The following CEP112 variants were observed in gnomAD, a reference collection of about 807,000 sequenced individuals.
The protein encoded by CEP112 is centrosomal protein 112, also known as centrosomal protein of 112 kDa.
In CEP112, 127 loss-of-function variants were observed where a neutral mutation model predicts 153.0. The ratio of observed to expected loss-of-function variants is 0.83; its 90% confidence interval spans 0.72 to 0.96. CEP112 has a LOEUF of 0.96. Among genes scored for constraint, CEP112 ranks in the 40% least tolerant of loss-of-function variants. The probability of loss-of-function intolerance (pLI) is 0.00; values close to 1 mark genes in which losing one functional copy is unlikely to be tolerated. For synonymous variants in CEP112, 358 were observed against 374.4 expected (o/e 0.96, Z 0.51); for missense variants, 1,089 against 1,101.2 (o/e 0.99, Z 0.16).
chr17:65,713,878 A>G (rs987354802), intron 23 of CEP112, among the ~76,000 whole-genome samples: 14 of 151,970 alleles, frequency 9.2e-5, no homozygotes, highest in Admixed American at 5.9e-4. Context: ...GTGAGTCACC[A>G]CGCCCAGCCG....
chr17:65,990,347 C>T (rs759550121), intron 17 of CEP112, among the ~76,000 whole-genome samples: 2 of 152,224 alleles, frequency 1.3e-5, no homozygotes, highest in African/African-American at 2.4e-5. Flanking sequence ...TGAGCAATCA[C>T]AGTATCTACT....
At chr17:66,144,703 C>CA (rs1027137533) in intron 4 of CEP112, among the ~76,000 whole-genome samples, 13 of 151,296 alleles carry the variant, frequency 8.6e-5, no homozygotes, top group Admixed American at 2.6e-4. Flanking sequence ...AAAAACAAAA[C>CA]AAAAAAAAGG....
At chr17:66,175,419 TCTA>T (rs1251619032) in intron 3 of CEP112, among the ~76,000 whole-genome samples, 3 of 152,194 alleles carry the variant, frequency 2.0e-5, no homozygotes, top group African/African-American at 4.8e-5. Context: ...TTAGTTGCAC[TCTA>T]CTGTCTAAGA....
At chr17:65,684,738 G>T (rs926504948) in intron 24 of CEP112, among the ~76,000 whole-genome samples, 1 of 152,158 alleles carries the variant, frequency 6.6e-6, no homozygotes, top group African/African-American at 2.4e-5. Context: ...TAACGCAGTG[G>T]AAAATAATAT....
At chr17:66,137,305 T>C (rs547664296) in intron 4 of CEP112, among the ~76,000 whole-genome samples, 2 of 152,002 alleles carry the variant, frequency 1.3e-5, no homozygotes, top group South Asian at 4.1e-4. Flanking sequence ...AGAGCAAAAA[T>C]GTTTTTAAAA....
chr17:65,778,897 G>A (rs2053841006), intron 21 of CEP112, among the ~76,000 whole-genome samples: 1 of 152,126 alleles, frequency 6.6e-6, no homozygotes, highest in Non-Finnish European at 1.5e-5. Context: ...CTACTTGGGA[G>A]GTTGAGGCAG....
Position 66,115,539 on chromosome 17 carries a change from T to C in CEP112, c.642+14207A>G, listed in dbSNP as rs140128961. 2.3e-3 allele frequency among the ~76,000 whole-genome samples: 346 copies of C among 152,316 alleles called. 1 individual carries two copies. Among genetic ancestry groups the C allele is most frequent in the African/African-American group, 8.2e-3 (342 of 41,568 alleles). On this transcript the variant is annotated intron_variant, in intron 6 of 26. Coordinates refer to ENST00000535342, the MANE Select transcript of CEP112 (RefSeq NM_001199165.4). ...CTCTTCTGGTCTTAAAGTTTGAAACTTGCATTTGTTTTATCTGAGTTCCCT... is the reference window on the plus strand; with the variant it reads ...CTCTTCTGGTCTTAAAGTTTGAAACCTGCATTTGTTTTATCTGAGTTCCCT...
At chr17:65,889,643 A>G (rs2059396230) in intron 20 of CEP112, among the ~76,000 whole-genome samples, 1 of 151,958 alleles carries the variant, frequency 6.6e-6, no homozygotes, top group Non-Finnish European at 1.5e-5. Context: ...GTTGGTATCC[A>G]TTACCCTCCA....
intron 23 of CEP112, 150 bp from the exon 24 acceptor site, chr17:65,689,368 T>A: frequency 1.7e-6 from 1 of 578,024 alleles, no homozygotes. Flanking sequence ...GACTTTTGTG[T>A]GTCAGGCCAA....
chr17:66,103,526 T>C (rs1014847810), intron 6 of CEP112, among the ~76,000 whole-genome samples: 8 of 152,218 alleles, frequency 5.3e-5, no homozygotes, highest in African/African-American at 1.9e-4. Flanking sequence ...AGTTGCCAGA[T>C]GCCAAACCAA....
At chr17:65,704,098 C>T (rs1002494054) in intron 23 of CEP112, among the ~76,000 whole-genome samples, 4 of 151,856 alleles carry the variant, frequency 2.6e-5, no homozygotes, top group East Asian at 1.9e-4. Flanking sequence ...CAACAAGAGA[C>T]GCACAGGAAG....
chr17:65,846,871 G>A (rs1325810345), intron 21 of CEP112, among the ~76,000 whole-genome samples: 1 of 152,242 alleles, frequency 6.6e-6, no homozygotes, highest in African/African-American at 2.4e-5. Context: ...TGCTTACTGT[G>A]TGTAAGGCAC....
chr17:65,980,345 G>C (rs2063184101), intron 17 of CEP112, among the ~76,000 whole-genome samples: 1 of 152,124 alleles, frequency 6.6e-6, no homozygotes, highest in Non-Finnish European at 1.5e-5. Flanking sequence ...CTATGATTTA[G>C]GAAGGAATAA....
At chr17:65,894,557 T>G (rs996161114) in intron 20 of CEP112, among the ~76,000 whole-genome samples, 2 of 152,058 alleles carry the variant, frequency 1.3e-5, no homozygotes, top group Non-Finnish European at 2.9e-5. Flanking sequence ...TTCTATAAAA[T>G]GAATGGATCA....
At chr17:65,978,967 G>C (rs990140215) in intron 17 of CEP112, among the ~76,000 whole-genome samples, 30 of 152,214 alleles carry the variant, frequency 2.0e-4, no homozygotes, top group African/African-American at 7.0e-4. Flanking sequence ...CTCTCAACTG[G>C]AAGCAAGGTA....
intron 1 of CEP112, among the ~76,000 whole-genome samples, chr17:66,187,863 T>G (rs555475571): frequency 3.3e-5 from 5 of 152,262 alleles, no homozygotes; most frequent in African/African-American, 1.2e-4. Context: ...TTGATGTTTT[T>G]CTCCATAAAT....
intron 12 of CEP112, among the ~76,000 whole-genome samples, chr17:66,034,649 T>C (rs1195822684): frequency 1.3e-5 from 2 of 151,608 alleles, no homozygotes; most frequent in East Asian, 1.9e-4. Flanking sequence ...AAAACTATTT[T>C]TATGAGAGAA....
chr17:66,056,450 T>G (rs1364815909), intron 11 of CEP112, among the ~76,000 whole-genome samples: 2 of 152,214 alleles, frequency 1.3e-5, no homozygotes, highest in Non-Finnish European at 2.9e-5. Flanking sequence ...CACAGCAACA[T>G]TATTCACGAT....
intron 21 of CEP112, among the ~76,000 whole-genome samples, chr17:65,804,186 G>A (rs1248355133): frequency 1.3e-5 from 2 of 152,054 alleles, no homozygotes; most frequent in African/African-American, 2.4e-5. Context: ...GTTTCCCTAA[G>A]CCAAAAGACA....
Sources: allele counts gnomAD v4.1 joint callset (sites outside exome capture counted in the v4.1 genomes callset), GRCh38; gene constraint gnomAD v4.1.1; transcripts MANE v1.5; gene names NCBI Gene and HGNC (gene_info 2026-07-23, HGNC 2026-07-21).